The following COL25A1 variants were observed in gnomAD, a reference collection of about 807,000 sequenced individuals.
COL25A1 encodes the protein collagen alpha-1(XXV) chain.
Under a neutral mutation model 128.4 loss-of-function variants are expected in COL25A1, and 103 were observed. The observed-to-expected ratio is 0.80, with a 90% CI of 0.68 to 0.94. The LOEUF (loss-of-function observed/expected upper bound fraction) is 0.94, where lower values mean the gene tolerates loss of function less well. Ranked by LOEUF, COL25A1 falls within the 40% of genes least tolerant of loss-of-function variation. COL25A1 has a pLI of 0.00. For missense variants in COL25A1, 745 were observed against 840.0 expected, an observed-to-expected ratio of 0.89 and a Z score of 1.40; for synonymous variants, 279 against 277.2, an observed-to-expected ratio of 1.01 and a Z score of -0.06.
At chr4:109,137,479 A>C (rs1769904005) in intron 3 of COL25A1, among the ~76,000 whole-genome samples, 8 of 152,130 alleles carry the variant, frequency 5.3e-5, no homozygotes, top group Admixed American at 3.9e-4. Context: ...GATCCACTGG[A>C]CCACTGCCTT....
At chr4:109,202,166 C>A (rs1776602960) in intron 3 of COL25A1, among the ~76,000 whole-genome samples, 1 of 151,986 alleles carries the variant, frequency 6.6e-6, no homozygotes, top group African/African-American at 2.4e-5. Context: ...ATAGTCAACA[C>A]AATAATGAAG....
intron 28 of COL25A1, 24 bp downstream of exon 28, chr4:108,846,115 A>G: frequency 1.4e-6 from 2 of 1,472,298 alleles, no homozygotes; most frequent in Non-Finnish European, 1.9e-6. Context: ...AAAAAGTATA[A>G]ACAAACAGAA....
At chr4:109,247,666 G>C (rs1780363858) in intron 3 of COL25A1, among the ~76,000 whole-genome samples, 2 of 152,158 alleles carry the variant, frequency 1.3e-5, no homozygotes, top group Non-Finnish European at 2.9e-5. Context: ...ATATTTAGCA[G>C]ATGAAGTCAG....
intron 8 of COL25A1, among the ~76,000 whole-genome samples, chr4:108,942,485 T>C (rs986451465): frequency 1.2e-4 from 17 of 147,076 alleles, no homozygotes; most frequent in Non-Finnish European, 3.1e-5. Flanking sequence ...ACTCTGTTGC[T>C]CAGGCTGGAG....
At chr4:109,037,486 T>C (rs1160887834) in intron 5 of COL25A1, among the ~76,000 whole-genome samples, 1 of 152,210 alleles carries the variant, frequency 6.6e-6, no homozygotes, top group Non-Finnish European at 1.5e-5. Context: ...CCTCAATCCT[T>C]GGCCAGCCCC....
chr4:109,113,229 C>A (rs1207780301), intron 3 of COL25A1, among the ~76,000 whole-genome samples: 1 of 152,056 alleles, frequency 6.6e-6, no homozygotes, highest in Non-Finnish European at 1.5e-5. Flanking sequence ...TTCTTTAACC[C>A]CCTGATGACA....
chr4:108,816,140 G>T (rs1278627217), intron 37 of COL25A1, among the ~76,000 whole-genome samples: 1 of 152,192 alleles, frequency 6.6e-6, no homozygotes, highest in African/African-American at 2.4e-5. Flanking sequence ...GACCCTGTGT[G>T]TGATCAAGCT....
intron 3 of COL25A1, among the ~76,000 whole-genome samples, chr4:109,209,908 A>G (rs28757722): frequency 0.31 from 46,968 of 151,796 alleles, 7,658 homozygotes; most frequent in Middle Eastern, 0.41. Flanking sequence ...AAAATTAGCC[A>G]GGCGTAATGG....
intron 18 of COL25A1, among the ~76,000 whole-genome samples, chr4:108,888,688 A>G (rs559781887): frequency 7.2e-5 from 11 of 152,334 alleles, no homozygotes; most frequent in Admixed American, 6.5e-4. Context: ...TCATTAACAA[A>G]TTTAGTGTGT....
intron 3 of COL25A1, among the ~76,000 whole-genome samples, chr4:109,137,904 A>G (rs1222342707): frequency 2.0e-5 from 3 of 152,120 alleles, no homozygotes; most frequent in Admixed American, 6.5e-5. Context: ...TTTGGTTATT[A>G]TCACCCCTTT....
At chr4:109,180,996 T>C (rs1425199142) in intron 3 of COL25A1, among the ~76,000 whole-genome samples, 2 of 152,168 alleles carry the variant, frequency 1.3e-5, no homozygotes, top group Non-Finnish European at 2.9e-5. Flanking sequence ...ACCTATGCAA[T>C]GCAAGTTTGC....
chr4:109,191,322 G>A (rs985363296), intron 3 of COL25A1, among the ~76,000 whole-genome samples: 8 of 152,170 alleles, frequency 5.3e-5, no homozygotes, highest in Non-Finnish European at 1.0e-4. Flanking sequence ...GGGAATTTGT[G>A]CTATTTGACC....
At chr4:109,217,353 T>C (rs1242653074) in intron 3 of COL25A1, among the ~76,000 whole-genome samples, 1 of 152,158 alleles carries the variant, frequency 6.6e-6, no homozygotes, top group African/African-American at 2.4e-5. Flanking sequence ...CATCTAACCA[T>C]TAATATATTT....
At chr4:108,860,835 A>C in intron 23 of COL25A1, 92 bp downstream of exon 23, 1 of 1,037,082 alleles carries the variant, frequency 9.6e-7, no homozygotes, top group Non-Finnish European at 1.5e-6. Context: ...AAGTATTATT[A>C]ATACAGATGT....
At chr4:108,896,539 G>C in intron 16 of COL25A1, 128 bp downstream of exon 16, 1 of 651,912 alleles carries the variant, frequency 1.5e-6, no homozygotes, top group South Asian at 2.4e-5. Context: ...TCTAATCTTG[G>C]AGAATGATCT....
intron 3 of COL25A1, among the ~76,000 whole-genome samples, chr4:109,146,741 T>C (rs1035684446): frequency 1.3e-5 from 2 of 152,200 alleles, no homozygotes; most frequent in Non-Finnish European, 2.9e-5. Context: ...CAATTTCCCT[T>C]AAAGAGAAGT....
At chr4:108,918,456 G>C (rs1422326453) in intron 12 of COL25A1, among the ~76,000 whole-genome samples, 1 of 152,098 alleles carries the variant, frequency 6.6e-6, no homozygotes, top group Non-Finnish European at 1.5e-5. Context: ...ATGTTTTAAA[G>C]AAATTTACAT....
At chr4:109,006,467 T>G (rs969273012) in intron 6 of COL25A1, among the ~76,000 whole-genome samples, 7 of 139,558 alleles carry the variant, frequency 5.0e-5, no homozygotes, top group Admixed American at 1.7e-4. Context: ...CTCAAACACC[T>G]GACCTCAAGT....
intron 5 of COL25A1, among the ~76,000 whole-genome samples, chr4:109,023,766 G>C (rs1056671967): frequency 1.3e-5 from 2 of 152,156 alleles, no homozygotes; most frequent in Admixed American, 1.3e-4. Context: ...TTGCAATAAA[G>C]AGAAATATAT....
Sources: gnomAD v4.1 joint callset for allele counts (sites outside exome capture counted in the v4.1 genomes callset) on GRCh38, gnomAD v4.1.1 for gene constraint, MANE v1.5 for transcripts, NCBI Gene and HGNC (gene_info 2026-07-23, HGNC 2026-07-21) for gene names.